Variants in ALOX5 observed in about 807,000 individuals in gnomAD.
ALOX5 encodes polyunsaturated fatty acid 5-lipoxygenase.
ALOX5 carries 64 observed loss-of-function variants against 87.9 expected under a neutral mutation model. The observed-to-expected ratio is 0.73, with a 90% CI of 0.60 to 0.90. ALOX5 has a LOEUF of 0.90. ALOX5 is among the 40% of genes least tolerant of loss of function. ALOX5 has a pLI of 0.00. For missense variants in ALOX5, 822 were observed against 907.5 expected (o/e 0.91, Z 1.21); for synonymous variants, 388 against 355.1 (o/e 1.09, Z -1.04).
In ALOX5 at chr10:45,424,047, G is replaced by A. The variant is rs776279650; in HGVS notation, c.561G>A (p.Glu187=). The change falls in exon 5 of 14, where the codon GAG becomes GAA. Residue 187 remains glutamate (E), a synonymous_variant. Transcript: ENST00000374391. ...DFVLNYSKAM[E]NLFINRFMHM... is the part of the protein sequence containing the mutation. ...CCTCTCTCCTGGTCTGCAGGATGGA[G>A]AACCTGTTCATCAACCGCTTCATGC... 5.0e-6 allele frequency: 8 copies of A among 1,613,956 alleles called. No homozygotes were observed. In the South Asian group the frequency reaches 8.8e-5, roughly 18 times the overall value.
At chr10:45,437,266 T>C (rs952620099) in intron 7 of ALOX5, among the ~76,000 whole-genome samples, 2 of 152,154 alleles carry the variant, frequency 1.3e-5, no homozygotes, top group African/African-American at 4.8e-5. Flanking sequence ...GGCAGGAGAA[T>C]TGCTTGAACC....
At chr10:45,392,715 GA>G (rs922399767) in intron 2 of ALOX5, among the ~76,000 whole-genome samples, 19 of 140,370 alleles carry the variant, frequency 1.4e-4, no homozygotes, top group South Asian at 9.3e-4. Flanking sequence ...TAAAAAAAAA[GA>G]AAAAAAAAAG....
chr10:45,388,442 G>T lies in ALOX5; in HGVS notation c.349+5761G>T, dbSNP rs550351324. Among the ~76,000 whole-genome samples the T allele has an allele frequency of 2.6e-5, 4 of 152,354 alleles. No individual in the cohort carries two copies. In the South Asian group the frequency reaches 6.2e-4, roughly 24 times the overall value. On this transcript the variant is annotated intron_variant, in intron 2 of 13. Transcript: ENST00000374391. ...TAGCCTAACTGGGAGGCACCCTCCA[G>T]TAGGGGCAGACTGACACCCCACATG... is the stretch of plus-strand genomic sequence containing the variant.
At chr10:45,398,054 G>T (rs1840572899) in intron 3 of ALOX5, among the ~76,000 whole-genome samples, 1 of 151,818 alleles carries the variant, frequency 6.6e-6, no homozygotes, top group South Asian at 2.1e-4. Context: ...TTGATAAAAA[G>T]AAAACAAAGA....
At chr10:45,399,584 G>T (rs1840627134) in intron 3 of ALOX5, among the ~76,000 whole-genome samples, 1 of 152,160 alleles carries the variant, frequency 6.6e-6, no homozygotes, top group African/African-American at 2.4e-5. Context: ...CTTGGGTTCG[G>T]CAAAGTCTCT....
In ALOX5 at chr10:45,382,486, G is replaced by T; in HGVS notation, c.154G>T (p.Asp52Tyr). ...GATTGCCTGTTCTCCTTCCCAGGTGGATTCATACGACGTGACTGTGGACGA... is the reference window on the plus strand; with the variant it reads ...GATTGCCTGTTCTCCTTCCCAGGTGTATTCATACGACGTGACTGTGGACGA... ...FYNDFERGAV[D>Y]SYDVTVDEEL... The change falls in exon 2 of 14, where the codon GAT (aspartate) becomes TAT (tyrosine). Residue 52 changes from aspartate to tyrosine, a missense_variant. Transcript: ENST00000374391. The T allele has an allele frequency of 6.2e-7, 1 of 1,614,182 alleles. No individual in the cohort carries two copies. The highest frequency in any genetic ancestry group is 1.1e-5 in the South Asian group (1 of 91,086).
intron 3 of ALOX5, among the ~76,000 whole-genome samples, chr10:45,401,961 C>T (rs1240045896): frequency 6.6e-6 from 1 of 151,832 alleles, no homozygotes; most frequent in African/African-American, 2.4e-5. Flanking sequence ...GTGGCGGGCG[C>T]CTGTAGTCCC....
intron 4 of ALOX5, among the ~76,000 whole-genome samples, chr10:45,423,296 C>T (rs1318678604): frequency 6.6e-6 from 1 of 152,236 alleles, no homozygotes; most frequent in Non-Finnish European, 1.5e-5. Context: ...TTGTTAATCT[C>T]AGTCTTTTGT....
Position 45,443,875 on chromosome 10 carries a change from C to CT in ALOX5, c.1674+48dup, listed in dbSNP as rs761314439. 1.9e-5 allele frequency: 30 copies of CT among 1,544,050 alleles called. No homozygotes were observed. The East Asian group carries it at 7.1e-4, about 36-fold the overall frequency. ...GGGCAGGGCTCCCTTCTCAAGGCCG[C>CT]TGCCTCCTCCCCCGCCCCGGTTCTG... is the stretch of plus-strand genomic sequence containing the variant. On this transcript the variant is annotated intron_variant, in intron 12 of 13. Coordinates refer to ENST00000374391, the MANE Select transcript of ALOX5 (RefSeq NM_000698.5).
intron 9 of ALOX5, among the ~76,000 whole-genome samples, chr10:45,442,307 T>C (rs1412163255): frequency 1.3e-5 from 2 of 152,160 alleles, no homozygotes; most frequent in African/African-American, 2.4e-5. Context: ...CAGGTTCTCA[T>C]GTGGCCATTA....
At chr10:45,374,975 A>G (rs1588971300) in intron 1 of ALOX5, among the ~76,000 whole-genome samples, 1 of 151,764 alleles carries the variant, frequency 6.6e-6, no homozygotes, top group East Asian at 1.9e-4. Flanking sequence ...CCACCAGCTC[A>G]CTCTACCGTC....
rs191295987 is a variant in ALOX5 at position 45,410,240 on chromosome 10, G to A, written c.432-1951G>A. Among the ~76,000 whole-genome samples, 368 of 152,280 alleles carry A rather than the reference G, an allele frequency of 2.4e-3. 4 individuals carry two copies. Among genetic ancestry groups the A allele is most frequent in the African/African-American group, 8.0e-3 (333 of 41,550 alleles). On this transcript the variant is annotated intron_variant, in intron 3 of 13. Transcript: ENST00000374391. ...ATTAATTGATCATTACTACCAGTGA[G>A]GCTACTGAATGGCTCAATTTTAGAT...
At chr10:45,422,994 A>G (rs1402917827) in intron 4 of ALOX5, among the ~76,000 whole-genome samples, 3 of 152,148 alleles carry the variant, frequency 2.0e-5, no homozygotes, top group African/African-American at 7.2e-5. Flanking sequence ...TCTTACGAGG[A>G]TGCTAATCCC....
At chr10:45,392,398 A>C (rs531881291) in intron 2 of ALOX5, among the ~76,000 whole-genome samples, 6 of 151,514 alleles carry the variant, frequency 4.0e-5, no homozygotes, top group African/African-American at 9.8e-5. Context: ...CTGTTGATCT[A>C]TGACCTTACC....
At chr10:45,431,618 G>T (rs1349675189) in intron 7 of ALOX5, among the ~76,000 whole-genome samples, 4 of 151,732 alleles carry the variant, frequency 2.6e-5, no homozygotes, top group Non-Finnish European at 4.4e-5. Flanking sequence ...TGTCACCCAG[G>T]CTAGAGTGCA....
chr10:45,422,172 T>C (rs1259168985), intron 4 of ALOX5, among the ~76,000 whole-genome samples: 1 of 152,170 alleles, frequency 6.6e-6, no homozygotes, highest in Non-Finnish European at 1.5e-5. Flanking sequence ...TTCCCCCCTG[T>C]GGTTGCTCCA....
intron 1 of ALOX5, 53 bp from the exon 2 acceptor site, chr10:45,382,430 G>C: frequency 6.2e-7 from 1 of 1,604,122 alleles, no homozygotes; most frequent in Middle Eastern, 1.7e-4. Flanking sequence ...AACACCTCCA[G>C]AACAAAGGCT....
Position 45,445,672 on chromosome 10 carries a change from C to T in ALOX5, c.2010C>T (p.Asn670=). ...YYYLSPDRIP[N]SVAI ...ACTTGTCCCCAGACCGGATTCCGAA[C>T]AGTGTGGCCATCTGAGCACACTGCC... Residue 670 remains asparagine, a synonymous_variant, in exon 14 of 14, where the codon AAC becomes AAT. Coordinates refer to ENST00000374391, the MANE Select transcript of ALOX5 (RefSeq NM_000698.5). The T allele has an allele frequency of 6.2e-7, 1 of 1,613,296 alleles. No individual in the cohort carries two copies. The highest frequency in any genetic ancestry group is 8.5e-7 in the Non-Finnish European group (1 of 1,179,468).
At chr10:45,419,804 G>C (rs60959489) in intron 4 of ALOX5, among the ~76,000 whole-genome samples, 5,523 of 152,128 alleles carry the variant, frequency 0.036, 334 homozygotes, top group African/African-American at 0.13. Context: ...GGAGGGGCCA[G>C]GCCAGGAGAG....
Sources: allele counts gnomAD v4.1 joint callset (sites outside exome capture counted in the v4.1 genomes callset), GRCh38; gene constraint gnomAD v4.1.1; transcripts MANE v1.5; gene names NCBI Gene and HGNC (gene_info 2026-07-23, HGNC 2026-07-21).